Variants in PCDHAC1 observed in about 807,000 individuals in gnomAD.
PCDHAC1 encodes the protein protocadherin alpha subfamily C, 1, also known as protocadherin alpha-C1.
In PCDHAC1, 42 loss-of-function variants were observed where a neutral mutation model predicts 60.0. The ratio of observed to expected loss-of-function variants is 0.70; its 90% CI spans 0.55 to 0.90. The LOEUF is 0.90. Among genes scored for constraint, PCDHAC1 ranks in the 40% least tolerant of loss-of-function variants. PCDHAC1 has a pLI of 0.00. For synonymous variants in PCDHAC1, 468 were observed against 499.3 expected (o/e 0.94, Z 0.84); for missense variants, 1,160 against 1,222.3 (o/e 0.95, Z 0.76).
chr5:140,926,685 A>C lies in PCDHAC1; in HGVS notation c.-208A>C. On this transcript the variant is annotated 5_prime_UTR_variant, in exon 1 of 4. Transcript: ENST00000253807. ...CAGACGGCTGCCCAGCCTCCAGCCT[A>C]GCAAGCCCGGCTCCCAGCTGGCCAG... 1.5e-6 allele frequency: 1 copy of C among 665,408 alleles called. No individual in the cohort carries two copies. Among genetic ancestry groups the C allele is most frequent in the Non-Finnish European group, 2.3e-6 (1 of 443,804 alleles). 41.2% of individuals were successfully genotyped at this position (665,408 alleles called of 1,614,324 possible).
At chr5:140,944,678 A>G (rs1483326984) in intron 1 of PCDHAC1, among the ~76,000 whole-genome samples, 4 of 152,162 alleles carry the variant, frequency 2.6e-5, no homozygotes, top group African/African-American at 9.7e-5. Context: ...TATTCTGTGT[A>G]TCCTATTAAT....
chr5:141,007,395 C>CAAAAAAA (rs35800918), intron 3 of PCDHAC1, among the ~76,000 whole-genome samples: 1,149 of 94,062 alleles, frequency 0.012, no homozygotes, highest in African/African-American at 0.016. Flanking sequence ...TACTAAAATA[C>CAAAAAAA]AAAAAAAAAA....
chr5:140,954,532 GT>G (rs1274213608), intron 1 of PCDHAC1, among the ~76,000 whole-genome samples: 7 of 152,088 alleles, frequency 4.6e-5, no homozygotes, highest in Non-Finnish European at 5.9e-5. Context: ...TGATGTTGAG[GT>G]TTTTTTCATA....
rs1554262420 is a variant in PCDHAC1, at chr5:141,009,791, C to G, written c.2746C>G (p.Pro916Ala). ...TGCAATCATCTCCATCCGGCAGGAG[C>G]CTACTAACAGCCAAATTGACAAAAG... ...SPAIISIRQE[P>A]TNSQIDKSDF... The change falls in exon 4 of 4, where the codon CCT becomes GCT. Residue 916 changes from proline (P) to alanine (A), a missense_variant. Pro to Ala is a conservative substitution (Grantham distance 27). This residue lies in a region of PCDHAC1 where 1,113 missense variants were observed against 1,163.7 expected (regional missense o/e 0.96). Transcript: ENST00000253807. 1 of 1,614,084 alleles carries G rather than the reference C, an allele frequency of 6.2e-7. No individual in the cohort carries two copies. Among genetic ancestry groups the G allele is most frequent in the Admixed American group, 1.7e-5 (1 of 60,016 alleles).
In PCDHAC1 at chr5:140,927,118, G is replaced by T. The variant is rs2083863389; in HGVS notation, c.226G>T (p.Val76Leu). ...GGTGGATCTACCCAGCGGCAATTTG[G>T]TGGTCAGAGAGCCGGCGGACCGCGA... ...FGVDLPSGNL[V>L]VREPADREQL... Residue 76 changes from valine (V) to leucine (L), a missense_variant, in exon 1 of 4, where the codon GTG becomes TTG. Around this residue, in one of 3 missense-constraint regions of PCDHAC1, gnomAD observed 1,113 missense variants for 1,163.7 expected, o/e 0.96. Coordinates refer to ENST00000253807, the MANE Select transcript of PCDHAC1 (RefSeq NM_018898.5). The T allele has an allele frequency of 6.2e-7, 1 of 1,613,946 alleles. No homozygotes were observed. The highest frequency in any genetic ancestry group is 2.2e-5 in the East Asian group (1 of 44,862).
intron 1 of PCDHAC1, among the ~76,000 whole-genome samples, chr5:140,959,306 T>C (rs1554224009): frequency 6.6e-6 from 1 of 152,072 alleles, no homozygotes. Flanking sequence ...AGCCCGGTGG[T>C]TGAAGCTGCA....
chr5:140,993,133 C>T (rs2097542175), intron 3 of PCDHAC1, among the ~76,000 whole-genome samples: 1 of 152,190 alleles, frequency 6.6e-6, no homozygotes, highest in East Asian at 1.9e-4. Context: ...CCTTCTGTTG[C>T]AACAAGTATA....
At chr5:140,975,523 A>T (rs1275717294) in intron 1 of PCDHAC1, among the ~76,000 whole-genome samples, 1 of 152,196 alleles carries the variant, frequency 6.6e-6, no homozygotes, top group African/African-American at 2.4e-5. Flanking sequence ...TCTGCAGTGG[A>T]TATATTCTTA....
intron 1 of PCDHAC1, among the ~76,000 whole-genome samples, chr5:140,959,240 G>A (rs1554223957): frequency 1.3e-5 from 2 of 152,074 alleles, no homozygotes; most frequent in African/African-American, 4.8e-5. Flanking sequence ...ATCTGGGCAT[G>A]ATAGTGCATG....
chr5:140,927,270 C>G lies in PCDHAC1; in HGVS notation c.378C>G (p.Ala126=). 6.2e-7 allele frequency: 1 copy of G among 1,614,150 alleles called. No homozygotes were observed. The highest frequency in any genetic ancestry group is 8.5e-7 in the Non-Finnish European group (1 of 1,180,038). The change falls in exon 1 of 4, where the codon GCC becomes GCG. Residue 126 remains alanine (A), a synonymous_variant. Transcript: ENST00000253807. ...DTNDNSPLFP[A]GDVQLHIPEF... ...ATGACAACTCACCTCTCTTTCCTGC[C>G]GGCGACGTGCAGCTGCACATCCCCG...
chr5:140,957,104 C>T (rs2095333785), intron 1 of PCDHAC1, among the ~76,000 whole-genome samples: 1 of 152,104 alleles, frequency 6.6e-6, no homozygotes, highest in Non-Finnish European at 1.5e-5. Context: ...TTGCTATGGA[C>T]ATGATTCTGT....
intron 1 of PCDHAC1, among the ~76,000 whole-genome samples, chr5:140,953,965 G>A (rs1554221174): frequency 6.6e-6 from 1 of 152,024 alleles, no homozygotes; most frequent in Non-Finnish European, 1.5e-5. Flanking sequence ...GCCCCAGTGT[G>A]TGTTGTTCCC....
intron 3 of PCDHAC1, among the ~76,000 whole-genome samples, chr5:140,984,944 TC>T (rs1554246626): frequency 6.6e-6 from 1 of 151,930 alleles, no homozygotes; most frequent in Non-Finnish European, 1.5e-5. Flanking sequence ...AAATGTCTAA[TC>T]TTTTTTTTTT....
intron 3 of PCDHAC1, among the ~76,000 whole-genome samples, chr5:140,997,525 A>G (rs1293979369): frequency 6.6e-6 from 1 of 152,242 alleles, no homozygotes; most frequent in African/African-American, 2.4e-5. Flanking sequence ...AAAAAGTACA[A>G]TAAAAATACA....
chr5:140,927,339 A>G lies in PCDHAC1; in HGVS notation c.447A>G (p.Gln149=), dbSNP rs532353795. 3.7e-6 allele frequency: 6 copies of G among 1,614,052 alleles called. No individual in the cohort carries two copies. The South Asian group carries it at 4.4e-5, about 12-fold the overall frequency. The stretch of plus-strand genomic sequence containing the variant: ...CCCGCTTTACTCTCCCGAATGCCCA[A>G]GATGACGACGAGGGAAGCAATGGGA... ...PGARFTLPNA[Q]DDDEGSNGIL... Residue 149 remains glutamine, a synonymous_variant, in exon 1 of 4, where the codon CAA becomes CAG. Transcript: ENST00000253807.
At chr5:140,930,084 A>G (rs1350674790) in intron 1 of PCDHAC1, 1 of 152,142 alleles carries the variant, frequency 6.6e-6, no homozygotes, top group Non-Finnish European at 1.5e-5. Flanking sequence ...CTCTCATAAC[A>G]TCTATTTATA....
At chr5:140,930,175 G>A (rs1554207630) in intron 1 of PCDHAC1, 2 of 152,134 alleles carry the variant, frequency 1.3e-5, no homozygotes, top group African/African-American at 4.8e-5. Context: ...TTACAAAGAG[G>A]AAAGATGAGT....
rs2084836319 is a variant in PCDHAC1, at chr5:140,927,981, T to C, written c.1089T>C (p.Ser363=). 1.2e-6 allele frequency: 2 copies of C among 1,614,206 alleles called. No individual in the cohort carries two copies. Among genetic ancestry groups the C allele is most frequent in the Non-Finnish European group, 1.7e-6 (2 of 1,180,036 alleles). ...AAPGTVIALF[S]VKDEDLDSNG... ...CTGGCACAGTGATTGCTCTCTTTAGTGTAAAGGATGAAGACCTCGATTCTA... is the reference window on the plus strand; with the variant it reads ...CTGGCACAGTGATTGCTCTCTTTAGCGTAAAGGATGAAGACCTCGATTCTA... Residue 363 remains serine, a synonymous_variant, in exon 1 of 4, where the codon AGT becomes AGC. Transcript: ENST00000253807.
chr5:140,930,338 A>T (rs2086745230), intron 1 of PCDHAC1: 1 of 152,214 alleles, frequency 6.6e-6, no homozygotes, highest in African/African-American at 2.4e-5. Flanking sequence ...AATGAAAGTT[A>T]AGTGATTCAA....
Sources: gnomAD v4.1 joint callset for allele counts (sites outside exome capture counted in the v4.1 genomes callset) on GRCh38, gnomAD v4.1.1 for gene constraint, gnomAD v4.1.1 regional missense constraint, MANE v1.5 for transcripts, NCBI Gene and HGNC (gene_info 2026-07-23, HGNC 2026-07-21) for gene names.